The following PCDHGB7 variants were observed in gnomAD, a reference collection of about 807,000 sequenced individuals.
The protein encoded by PCDHGB7 is protocadherin gamma-B7.
Under a neutral mutation model 61.4 loss-of-function variants are expected in PCDHGB7, and 37 were observed. That is an observed-to-expected ratio of 0.60 (90% CI 0.46 to 0.79). PCDHGB7 has a LOEUF of 0.79. Ranked by LOEUF, PCDHGB7 falls within the 30% of genes least tolerant of loss-of-function variation. The pLI is 0.00. For synonymous variants in PCDHGB7, 464 were observed against 503.5 expected (o/e 0.92, Z 1.05); for missense variants, 1,166 against 1,202.5 (o/e 0.97, Z 0.45).
Position 141,487,295 on chromosome 5 carries a change from T to C in PCDHGB7, c.2416-7512T>C, listed in dbSNP as rs2099642474. The C allele has an allele frequency of 5.6e-6, 9 of 1,614,164 alleles. No individual in the cohort carries two copies. In the East Asian group the frequency reaches 1.3e-4, roughly 24 times the overall value. ...AATTTGCTTTGTCTCCTTTGGCTCA[T>C]TCGTGGCACTACTCTCTAAGTGTCT... On this transcript the variant is annotated intron_variant, in intron 1 of 3. Transcript: ENST00000398594. This position sits in a 1 kb window ranked among gnomAD's most constrained non-coding sequence, Gnocchi z 5.0.
chr5:141,448,894 G>A (rs2098614669), intron 1 of PCDHGB7, among the ~76,000 whole-genome samples: 2 of 152,098 alleles, frequency 1.3e-5, no homozygotes, highest in South Asian at 4.1e-4. Context: ...GCAGTGAGCC[G>A]AGATCGTGCC....
chr5:141,424,880 C>G (rs2096845847), intron 1 of PCDHGB7, among the ~76,000 whole-genome samples: 1 of 152,162 alleles, frequency 6.6e-6, no homozygotes, highest in Admixed American at 6.5e-5. Context: ...GGAAAGGAGA[C>G]TTATCTAGGG....
At chr5:141,422,566 A>G (rs2096656660) in intron 1 of PCDHGB7, 1 of 1,614,020 alleles carries the variant, frequency 6.2e-7, no homozygotes, top group Non-Finnish European at 8.5e-7. Flanking sequence ...GGCAGATGAC[A>G]ACGATAACCC....
intron 1 of PCDHGB7, among the ~76,000 whole-genome samples, chr5:141,459,249 A>G (rs901058693): frequency 6.6e-6 from 1 of 152,218 alleles, no homozygotes; most frequent in Non-Finnish European, 1.5e-5. Flanking sequence ...TCCTGTCACT[A>G]TAAATTAGTG....
rs151239937 is a variant in PCDHGB7, at chr5:141,485,980, G to A, written c.2416-8827G>A. 1.9e-6 allele frequency: 3 copies of A among 1,614,020 alleles called. No homozygotes were observed. The highest frequency in any genetic ancestry group is 2.5e-6 in the Non-Finnish European group (3 of 1,180,004). Reference sequence around the variant, plus strand: ...TCATCCAGCTCAATGCCTCAGACCCGGACCTGGGTCCCAGTGGTAACGTCA... The same window carrying A: ...TCATCCAGCTCAATGCCTCAGACCCAGACCTGGGTCCCAGTGGTAACGTCA... On this transcript the variant is annotated intron_variant, in intron 1 of 3. Coordinates refer to ENST00000398594, the MANE Select transcript of PCDHGB7 (RefSeq NM_018927.4). The surrounding 1 kb of genome is among the most constrained non-coding windows in gnomAD (Gnocchi z 5.7).
chr5:141,437,217 T>G (rs2097868672), intron 1 of PCDHGB7, among the ~76,000 whole-genome samples: 1 of 152,230 alleles, frequency 6.6e-6, no homozygotes, highest in Admixed American at 6.5e-5. Flanking sequence ...TTATTCTGAT[T>G]CCAGTCATAA....
At chr5:141,480,695 C>T (rs2099523656) in intron 1 of PCDHGB7, among the ~76,000 whole-genome samples, 2 of 152,146 alleles carry the variant, frequency 1.3e-5, no homozygotes, top group African/African-American at 4.8e-5. Context: ...GAAACCCAGG[C>T]CACACCCCGA....
At position 141,460,912 on chromosome 5, in the gene PCDHGB7, G is replaced by GTA. The variant is rs34683754; in HGVS notation, c.2416-33883_2416-33882dup. ...TCGTGGCTGAGTAATATTCCATGGT[G>GTA]TATATATATATATGTGTGTGTGTAT... On this transcript the variant is annotated intron_variant, in intron 1 of 3. Coordinates refer to ENST00000398594, the MANE Select transcript of PCDHGB7 (RefSeq NM_018927.4). Among the ~76,000 whole-genome samples, 731 of 149,318 alleles carry GTA rather than the reference G, an allele frequency of 4.9e-3. 9 individuals carry two copies. Among genetic ancestry groups the GTA allele is most frequent in the African/African-American group, 0.016 (631 of 40,624 alleles).
chr5:141,423,513 G>A, intron 1 of PCDHGB7: 2 of 1,613,750 alleles, frequency 1.2e-6, no homozygotes. Context: ...CTCTCATTGC[G>A]GACTCGCAGA....
chr5:141,491,291 C>T lies in PCDHGB7; in HGVS notation c.2416-3516C>T. 1 of 1,614,152 alleles carries T rather than the reference C, an allele frequency of 6.2e-7. No homozygotes were observed. The highest frequency in any genetic ancestry group is 8.5e-7 in the Non-Finnish European group (1 of 1,179,974). On this transcript the variant is annotated intron_variant, in intron 1 of 3. Coordinates refer to ENST00000398594, the MANE Select transcript of PCDHGB7 (RefSeq NM_018927.4). This position sits in a 1 kb window ranked among gnomAD's most constrained non-coding sequence, Gnocchi z 6.9. The stretch of plus-strand genomic sequence containing the variant: ...AAATCCAGTGACTTCCTCATACACC[C>T]TCCTGAGCGTTCAGACCTTACCCTT...
intron 2 of PCDHGB7, 142 bp downstream of exon 2, chr5:141,495,007 G>C (rs2099758216): frequency 2.0e-6 from 3 of 1,522,276 alleles, no homozygotes; most frequent in Non-Finnish European, 8.8e-7. Flanking sequence ...TTGGTGTGCG[G>C]GGGGCTGGCA....
At chr5:141,469,249 C>T (rs1025813940) in intron 1 of PCDHGB7, among the ~76,000 whole-genome samples, 1 of 152,026 alleles carries the variant, frequency 6.6e-6, no homozygotes, top group Non-Finnish European at 1.5e-5. Flanking sequence ...TGCACTCCAG[C>T]TTGGGCAACA....
In PCDHGB7 at chr5:141,490,803, C is replaced by A; in HGVS notation, c.2416-4004C>A. The A allele has an allele frequency of 6.2e-7, 1 of 1,613,956 alleles. No homozygotes were observed. Among genetic ancestry groups the A allele is most frequent in the South Asian group, 1.1e-5 (1 of 91,080 alleles). On this transcript the variant is annotated intron_variant, in intron 1 of 3. Transcript: ENST00000398594. The surrounding 1 kb of genome is among the most constrained non-coding windows in gnomAD (Gnocchi z 5.4). ...ATGGACGGATCTTTGCCCAGCGTAC[C>A]TTTGACTATGAATTGCTGCAGATGC...
At chr5:141,504,450 T>C (rs931613781) in intron 2 of PCDHGB7, among the ~76,000 whole-genome samples, 1 of 151,918 alleles carries the variant, frequency 6.6e-6, no homozygotes, top group Non-Finnish European at 1.5e-5. Context: ...ACTAGTGCCA[T>C]GTGGGGCAGC....
chr5:141,454,272 A>G (rs1226625529), intron 1 of PCDHGB7, among the ~76,000 whole-genome samples: 1 of 152,200 alleles, frequency 6.6e-6, no homozygotes, highest in Non-Finnish European at 1.5e-5. Context: ...ATGCCAGCAA[A>G]AACTTCACAT....
rs1409012917 is a variant in PCDHGB7 at position 141,512,928 on chromosome 5, T to A, written c.*1755T>A. On this transcript the variant is annotated 3_prime_UTR_variant, in exon 4 of 4. Transcript: ENST00000398594. ...CAAGTTTTATACTCTAATATTTATA[T>A]GGCTTTTTTTCTTCGACAAAAAAAT... is the stretch of plus-strand genomic sequence containing the variant. 1.3e-5 allele frequency: 2 copies of A among 152,190 alleles called. No individual in the cohort carries two copies. Among genetic ancestry groups the A allele is most frequent in the Non-Finnish European group, 2.9e-5 (2 of 68,044 alleles). The allele number at this position is 152,190 out of a possible 1,614,324, so 9.4% of individuals were successfully genotyped here.
intron 1 of PCDHGB7, among the ~76,000 whole-genome samples, chr5:141,461,390 C>T (rs1220034894): frequency 2.0e-5 from 3 of 152,080 alleles, no homozygotes; most frequent in East Asian, 3.9e-4. Context: ...TGATGATTAG[C>T]GATGTTGAGC....
At chr5:141,421,257 C>T (rs944057868) in intron 1 of PCDHGB7, 1 of 1,608,520 alleles carries the variant, frequency 6.2e-7, no homozygotes, top group African/African-American at 1.3e-5. Context: ...GCGGGGACCG[C>T]AGTCGGCTGC....
At chr5:141,475,161 A>G (rs1433985907) in intron 1 of PCDHGB7, among the ~76,000 whole-genome samples, 1 of 152,138 alleles carries the variant, frequency 6.6e-6, no homozygotes, top group Non-Finnish European at 1.5e-5. Context: ...CTTCTTCATT[A>G]GCAGTGCAAC....
Sources: allele counts gnomAD v4.1 joint callset (sites outside exome capture counted in the v4.1 genomes callset), GRCh38; gene constraint gnomAD v4.1.1; non-coding constraint Gnocchi (gnomAD v3.1); transcripts MANE v1.5; gene names NCBI Gene and HGNC (gene_info 2026-07-23, HGNC 2026-07-21).